RAD52: variants seen among roughly 807,000 people sequenced by gnomAD.
RAD52 encodes the protein DNA repair protein RAD52 homolog.
RAD52 carries 47 observed loss-of-function variants against 55.5 expected under a neutral mutation model. The ratio of observed to expected loss-of-function variants is 0.85; its 90% CI spans 0.67 to 1.08. The LOEUF is 1.08. Among genes scored for constraint, RAD52 ranks in the 50% least tolerant of loss-of-function variants. The probability of loss-of-function intolerance (pLI) is 0.00; values close to 1 mark genes in which losing one functional copy is unlikely to be tolerated. For missense variants in RAD52, 468 were observed against 522.8 expected (o/e 0.90, Z 1.02); for synonymous variants, 184 against 198.9 (o/e 0.92, Z 0.63).
chr12:985,384 C>T (rs944778037), intron 1 of RAD52, among the ~76,000 whole-genome samples: 4 of 151,932 alleles, frequency 2.6e-5, no homozygotes, highest in Non-Finnish European at 5.9e-5. Context: ...CTCAAGTGAC[C>T]CTCCTGCCTT....
chr12:980,199 G>T lies in RAD52; in HGVS notation c.-19+9610C>A, dbSNP rs75003760. Among the ~76,000 whole-genome samples, 42 of 152,116 alleles carry T rather than the reference G, an allele frequency of 2.8e-4. 1 individual carries two copies. In the East Asian group the frequency reaches 7.0e-3, roughly 25 times the overall value. On this transcript the variant is annotated intron_variant, in intron 1 of 11. Transcript: ENST00000430095. ...AGTGAGACTCCATCTTGGCCAGCGG[G>T]GGGTGGAAGGGGAGGGAAGAGAGTT...
chr12:937,320 G>A (rs888212007), intron 1 of RAD52, among the ~76,000 whole-genome samples: 19 of 151,994 alleles, frequency 1.3e-4, no homozygotes, highest in African/African-American at 4.3e-4. Context: ...CACACTTCTT[G>A]AAAAAATAAT....
intron 1 of RAD52, among the ~76,000 whole-genome samples, chr12:957,252 G>T (rs978905304): frequency 1.3e-5 from 2 of 152,052 alleles, no homozygotes; most frequent in African/African-American, 4.8e-5. Context: ...GAGGTCAGGA[G>T]TTCGAGACTA....
chr12:953,813 G>A (rs1319523414), upstream of RAD52, among the ~76,000 whole-genome samples: 1 of 152,144 alleles, frequency 6.6e-6, no homozygotes, highest in Non-Finnish European at 1.5e-5. Context: ...CTTCCCCACT[G>A]TGAACATCAT....
intron 7 of RAD52, among the ~76,000 whole-genome samples, chr12:924,056 CAA>C (rs71293134): frequency 5.7e-5 from 7 of 122,302 alleles, no homozygotes; most frequent in Admixed American, 2.6e-4. Flanking sequence ...GAGACTATCT[CAA>C]AAAAAAAAAA....
intron 1 of RAD52, among the ~76,000 whole-genome samples, chr12:941,075 A>G (rs1957895431): frequency 6.6e-6 from 1 of 152,204 alleles, no homozygotes; most frequent in Non-Finnish European, 1.5e-5. Context: ...GCAAATCTCA[A>G]GAATAAATCT....
intron 9 of RAD52, among the ~76,000 whole-genome samples, chr12:915,609 T>C (rs924988945): frequency 2.3e-4 from 35 of 152,216 alleles, no homozygotes; most frequent in Non-Finnish European, 8.8e-5. Flanking sequence ...ATCTGGACTC[T>C]GAAATAAACT....
chr12:935,414 C>G (rs898172848), intron 1 of RAD52, among the ~76,000 whole-genome samples: 1 of 143,336 alleles, frequency 7.0e-6, no homozygotes, highest in Non-Finnish European at 1.5e-5. Flanking sequence ...GCGTTTCGCT[C>G]TTGTCGCCTA....
intron 1 of RAD52, among the ~76,000 whole-genome samples, chr12:956,248 T>C (rs1299331647): frequency 6.6e-6 from 1 of 152,186 alleles, no homozygotes; most frequent in Non-Finnish European, 1.5e-5. Flanking sequence ...AGCCAACCCA[T>C]AATTCTGACG....
At position 929,854 on chromosome 12, in the gene RAD52, C is replaced by A. The variant is rs139005468; in HGVS notation, c.313G>T (p.Val105Leu). ...FVDLNNGKFY[V>L]GVCAFVRVQL... ...ACCCTCACAAATGCACAGACTCCCA[C>A]GTAGAACTTGCCATTGTTGAGGTCA... Residue 105 changes from valine to leucine, a missense_variant, in exon 5 of 12, where the codon GTG becomes TTG. Coordinates refer to ENST00000358495, the MANE Select transcript of RAD52 (RefSeq NM_134424.4). 2 of 1,614,050 alleles carry A rather than the reference C, an allele frequency of 1.2e-6. No homozygotes were observed. Among genetic ancestry groups the A allele is most frequent in the South Asian group, 2.2e-5 (2 of 91,080 alleles).
chr12:919,553 CAG>C lies in RAD52; in HGVS notation c.544-2735_544-2734del, dbSNP rs1443520401. 3.3e-5 allele frequency among the ~76,000 whole-genome samples: 5 copies of C among 152,088 alleles called. No individual in the cohort carries two copies. In the East Asian group the frequency reaches 9.7e-4, roughly 29 times the overall value. On this transcript the variant is annotated intron_variant, in intron 7 of 11. Coordinates refer to ENST00000358495, the MANE Select transcript of RAD52 (RefSeq NM_134424.4). ...TCACTTGAGCCCAGGAGTTTGAGAC[CAG>C]CCTGGCCAACACAGCAAAACCCCGC...
intron 1 of RAD52, among the ~76,000 whole-genome samples, chr12:971,433 G>A (rs143387689): frequency 6.6e-6 from 1 of 152,218 alleles, no homozygotes; most frequent in East Asian, 1.9e-4. Context: ...GCACTTAACG[G>A]AGGAAAATAA....
Position 945,283 on chromosome 12 carries a change from G to A in RAD52, c.-19+4319C>T, listed in dbSNP as rs927013496. On this transcript the variant is annotated intron_variant, in intron 1 of 11. Coordinates refer to ENST00000358495, the MANE Select transcript of RAD52 (RefSeq NM_134424.4). ...CAAGAATCGCTTGAATCCAGGAGGCGAAGGTTGCAGTGAGCCAAGATCGCA... is the reference window on the plus strand; with the variant it reads ...CAAGAATCGCTTGAATCCAGGAGGCAAAGGTTGCAGTGAGCCAAGATCGCA... Among the ~76,000 whole-genome samples the A allele has an allele frequency of 7.9e-5, 12 of 151,448 alleles. No homozygotes were observed. The East Asian group carries it at 1.4e-3, about 17-fold the overall frequency.
upstream of RAD52, among the ~76,000 whole-genome samples, chr12:954,434 C>A (rs1044851823): frequency 9.2e-5 from 14 of 152,248 alleles, no homozygotes; most frequent in Non-Finnish European, 2.9e-5. Flanking sequence ...GAGTTTGAGA[C>A]CAGCCTGGCC....
intron 1 of RAD52, among the ~76,000 whole-genome samples, chr12:963,764 G>A (rs1467887146): frequency 6.6e-6 from 1 of 151,730 alleles, no homozygotes; most frequent in South Asian, 2.1e-4. Flanking sequence ...AACTTTGGGG[G>A]TTCTATTTAT....
intron 4 of RAD52, 70 bp downstream of exon 4, chr12:929,981 C>T (rs188820156): frequency 6.3e-7 from 1 of 1,576,908 alleles, no homozygotes; most frequent in African/African-American, 1.3e-5. Flanking sequence ...ACCTTACCTC[C>T]TCACCCACAG....
intron 1 of RAD52, among the ~76,000 whole-genome samples, chr12:963,824 TAA>T (rs372579759): frequency 7.0e-5 from 10 of 142,470 alleles, no homozygotes; most frequent in Admixed American, 7.1e-5. Flanking sequence ...TATCGGCAAG[TAA>T]AAAAAAAAAG....
At chr12:914,584 G>T in intron 9 of RAD52, 52 bp from the exon 10 acceptor site, 1 of 1,603,890 alleles carries the variant, frequency 6.2e-7, no homozygotes. Context: ...TCACTGCATG[G>T]GATTTCAGAG....
chr12:943,150 A>T (rs1958006050), intron 1 of RAD52, among the ~76,000 whole-genome samples: 1 of 152,214 alleles, frequency 6.6e-6, no homozygotes, highest in African/African-American at 2.4e-5. Flanking sequence ...AGAATAACTC[A>T]AAAGACTGAC....
Sources: allele counts gnomAD v4.1 joint callset (sites outside exome capture counted in the v4.1 genomes callset), GRCh38; gene constraint gnomAD v4.1.1; transcripts MANE v1.5; gene names NCBI Gene and HGNC (gene_info 2026-07-23, HGNC 2026-07-21).